ABHD17A: variants seen among roughly 807,000 people sequenced by gnomAD.
ABHD17A encodes the protein alpha/beta hydrolase domain-containing protein 17A.
Under a neutral mutation model 26.8 loss-of-function variants are expected in ABHD17A, and 10 were observed. The observed-to-expected ratio is 0.37, with a 90% CI of 0.23 to 0.63. The LOEUF is 0.63. ABHD17A is among the 30% of genes least tolerant of loss of function. The pLI, the probability that ABHD17A is intolerant of heterozygous loss-of-function variation, is 0.61. For synonymous variants in ABHD17A, 167 were observed against 210.9 expected (o/e 0.79, Z 1.80); for missense variants, 292 against 457.3 (o/e 0.64, Z 3.30).
At chr19:1,883,899 G>C (rs1261063969) in intron 1 of ABHD17A, 1 of 152,756 alleles carries the variant, frequency 6.5e-6, no homozygotes, top group African/African-American at 2.4e-5. Context: ...TGCCAGGTCC[G>C]CATTCCGGCT....
At chr19:1,885,307 G>C (rs1320856221) in intron 1 of ABHD17A, 45 bp downstream of exon 1, 3 of 151,176 alleles carry the variant, frequency 2.0e-5, no homozygotes, top group Admixed American at 6.6e-5. Context: ...CCCGGCCCGG[G>C]ACCCCGCGCG....
intron 1 of ABHD17A, chr19:1,883,582 A>C (rs971132305): frequency 6.6e-6 from 1 of 152,226 alleles, no homozygotes; most frequent in Non-Finnish European, 1.5e-5. Flanking sequence ...GGGCCCCACT[A>C]TCCAGGCCAG....
intron 3 of ABHD17A, chr19:1,878,029 TG>T (rs1465435594): frequency 3.0e-6 from 1 of 334,034 alleles, no homozygotes; most frequent in Non-Finnish European, 5.6e-6. Context: ...AGGTGCACAC[TG>T]GGAACTGTGT....
chr19:1,881,373 C>A lies in ABHD17A; in HGVS notation c.194G>T (p.Arg65Leu), dbSNP rs764525658. The change falls in exon 2 of 5, where the codon CGC (arginine) becomes CTC (leucine). Residue 65 changes from arginine (R) to leucine (L), a missense_variant. Around this residue, in one of 4 missense-constraint regions of ABHD17A, gnomAD observed 171 missense variants for 216.1 expected, o/e 0.79. Coordinates refer to ENST00000292577, the MANE Select transcript of ABHD17A (RefSeq NM_001130111.2). ...TLRASSGAPG[R>L]WKLHLTERAD... ...ACGCTCCGTCAGGTGCAGCTTCCAG[C>A]GCCCGGGTGCGCCCGAGGAGGCTCT... is the stretch of plus-strand genomic sequence containing the variant. 1.9e-6 allele frequency: 3 copies of A among 1,606,612 alleles called. No homozygotes were observed. The highest frequency in any genetic ancestry group is 2.2e-5 in the South Asian group (2 of 90,926).
At position 1,884,258 on chromosome 19, in the gene ABHD17A, G is replaced by A. The variant is rs2012615357; in HGVS notation, c.-239+1094C>T. On this transcript the variant is annotated intron_variant, in intron 1 of 4. Coordinates refer to ENST00000292577, the MANE Select transcript of ABHD17A (RefSeq NM_001130111.2). ...TGGTAGGCAGCACAGAATTAAGGAG[G>A]AAGCACAGGAGGAAAAGAATCCCCA... 3.3e-5 allele frequency among the ~76,000 whole-genome samples: 5 copies of A among 152,302 alleles called. No individual in the cohort carries two copies. In the South Asian group the frequency reaches 1.0e-3, roughly 32 times the overall value.
In ABHD17A at chr19:1,880,423, G is replaced by A. The variant is rs11880932; in HGVS notation, c.333-308C>T. 6.3e-3 allele frequency among the ~76,000 whole-genome samples: 959 copies of A among 152,298 alleles called. 15 individuals carry two copies. The highest frequency in any genetic ancestry group is 0.022 in the African/African-American group (914 of 41,564). On this transcript the variant is annotated intron_variant, in intron 2 of 4. Transcript: ENST00000292577. The surrounding 1 kb of genome is among the most constrained non-coding windows in gnomAD (Gnocchi z 4.1). ...AAGCGGGACACTGGGACCATCGGTC[G>A]CATCCTCTCTCAGGGCAGACTCGCA...
In ABHD17A at chr19:1,879,170, G is replaced by T. The variant is rs2012452661; in HGVS notation, c.527+751C>A. On this transcript the variant is annotated intron_variant, in intron 3 of 4. Coordinates refer to ENST00000292577, the MANE Select transcript of ABHD17A (RefSeq NM_001130111.2). The surrounding 1 kb of genome is among the most constrained non-coding windows in gnomAD (Gnocchi z 7.6). ...ACGACCCCACCTCCCTAGGGCCTCT[G>T]ACTTCTCAGAGCTGTGCCTGGTCCC... 6.6e-6 allele frequency: 1 copy of T among 152,304 alleles called. No individual in the cohort carries two copies. Among genetic ancestry groups the T allele is most frequent in the South Asian group, 2.1e-4 (1 of 4,830 alleles). 9.4% of individuals were successfully genotyped at this position (152,304 alleles called of 1,614,324 possible).
chr19:1,882,494 C>T (rs1189648219), intron 1 of ABHD17A: 1 of 152,136 alleles, frequency 6.6e-6, no homozygotes, highest in Non-Finnish European at 1.5e-5. Context: ...GGGTCCTTCT[C>T]CACCCCTGAC....
In ABHD17A at chr19:1,881,753, A is replaced by T. The variant is rs1735052306; in HGVS notation, c.-187T>A. Reference sequence around the variant, plus strand: ...CCCAGCCCCATCGCGGTCCAAGCCGAGCCCCAGGGAGCCTCGCAACCACAG... The same window carrying T: ...CCCAGCCCCATCGCGGTCCAAGCCGTGCCCCAGGGAGCCTCGCAACCACAG... On this transcript the variant is annotated 5_prime_UTR_variant, in exon 2 of 5. Coordinates refer to ENST00000292577, the MANE Select transcript of ABHD17A (RefSeq NM_001130111.2). 1.4e-6 allele frequency: 1 copy of T among 717,628 alleles called. No homozygotes were observed. The highest frequency in any genetic ancestry group is 1.9e-5 in the African/African-American group (1 of 52,932). 44.5% of individuals were successfully genotyped at this position (717,628 alleles called of 1,614,324 possible). A position where few individuals can be genotyped will look rare whatever the true frequency, so the allele number is the denominator to read the frequency against.
chr19:1,877,814 C>G, intron 3 of ABHD17A, 127 bp from the exon 4 acceptor site: 1 of 847,982 alleles, frequency 1.2e-6, no homozygotes, highest in South Asian at 1.7e-5. Context: ...GTCAGTGGGT[C>G]AGGCTCAGGC....
At position 1,880,155 on chromosome 19, in the gene ABHD17A, C is replaced by CA; in HGVS notation, c.333-41dup. 1 of 1,606,304 alleles carries CA rather than the reference C, an allele frequency of 6.2e-7. No homozygotes were observed. The highest frequency in any genetic ancestry group is 8.5e-7 in the Non-Finnish European group (1 of 1,176,204). On this transcript the variant is annotated intron_variant, in intron 2 of 4. Coordinates refer to ENST00000292577, the MANE Select transcript of ABHD17A (RefSeq NM_001130111.2). The surrounding 1 kb of genome is among the most constrained non-coding windows in gnomAD (Gnocchi z 4.1). ...GAAGGGCCGTTCACATCCTCGCTCC[C>CA]AGCGCCCAGCTGCAGGGCAGGAGGA... is the stretch of plus-strand genomic sequence containing the variant.
chr19:1,881,298 G>T lies in ABHD17A; in HGVS notation c.269C>A (p.Pro90His). The T allele has an allele frequency of 6.2e-7, 1 of 1,611,012 alleles. No homozygotes were observed. Among genetic ancestry groups the T allele is most frequent in the Non-Finnish European group, 8.5e-7 (1 of 1,179,718 alleles). ...QRELDTIEVF[P>H]TKSARGNRVS... ...GCGGTTGCCGCGGGCGCTCTTGGTG[G>T]GGAAGACCTCGATGGTGTCCAGCTC... The change falls in exon 2 of 5, where the codon CCC (proline) becomes CAC (histidine). Residue 90 changes from proline (P) to histidine (H), a missense_variant. Around this residue, in one of 4 missense-constraint regions of ABHD17A, gnomAD observed 171 missense variants for 216.1 expected, o/e 0.79. Coordinates refer to ENST00000292577, the MANE Select transcript of ABHD17A (RefSeq NM_001130111.2).
In ABHD17A at chr19:1,877,014, T is replaced by C; in HGVS notation, c.*186A>G. ...CTTTAATTTCCGTTTTCACGTATTT[T>C]CTTCTTGCTTCCAAAAGGAAAGGAG... On this transcript the variant is annotated 3_prime_UTR_variant, in exon 5 of 5. Transcript: ENST00000292577. 1 of 583,800 alleles carries C rather than the reference T, an allele frequency of 1.7e-6. No homozygotes were observed. The highest frequency in any genetic ancestry group is 3.0e-6 in the Non-Finnish European group (1 of 328,620). The allele number at this position is 583,800 out of a possible 1,614,324, so 36.2% of individuals were successfully genotyped here.
Position 1,880,097 on chromosome 19 carries a change from C to A in ABHD17A, c.351G>T (p.Ser117=). Residue 117 remains serine, a synonymous_variant, in exon 3 of 5, where the codon TCG becomes TCT. Coordinates refer to ENST00000292577, the MANE Select transcript of ABHD17A (RefSeq NM_001130111.2). The surrounding 1 kb of genome is among the most constrained non-coding windows in gnomAD (Gnocchi z 4.1). ...VPGARYTVLF[S]HGNAVDLGQM... is the part of the protein sequence containing the mutation. ...GGCCCAGGTCCACGGCATTGCCGTG[C>A]GAGAAGAGGACCGTGTACCTGGGAC... The A allele has an allele frequency of 7.4e-6, 12 of 1,613,098 alleles. No homozygotes were observed. The highest frequency in any genetic ancestry group is 1.0e-5 in the Non-Finnish European group (12 of 1,179,958).
At chr19:1,883,549 GA>G (rs2012598069) in intron 1 of ABHD17A, 1 of 152,344 alleles carries the variant, frequency 6.6e-6, no homozygotes, top group Non-Finnish European at 1.5e-5. Flanking sequence ...CCCCGGAGAC[GA>G]AGGGGCACAC....
chr19:1,879,431 C>G lies in ABHD17A; in HGVS notation c.527+490G>C, dbSNP rs1392610493. The G allele has an allele frequency of 3.6e-5, 7 of 193,684 alleles. No individual in the cohort carries two copies. Among genetic ancestry groups the G allele is most frequent in the African/African-American group, 1.4e-4 (6 of 41,794 alleles). 12.0% of individuals were successfully genotyped at this position (193,684 alleles called of 1,614,324 possible). Reference sequence around the variant, plus strand: ...TGGCCCAGACCTCGGATGTGTGCTGCGGGTCTGCACCTTACCCTGTAGGCC... The same window carrying G: ...TGGCCCAGACCTCGGATGTGTGCTGGGGGTCTGCACCTTACCCTGTAGGCC... On this transcript the variant is annotated intron_variant, in intron 3 of 4. Coordinates refer to ENST00000292577, the MANE Select transcript of ABHD17A (RefSeq NM_001130111.2). This position sits in a 1 kb window ranked among gnomAD's most constrained non-coding sequence, Gnocchi z 7.6.
In ABHD17A at chr19:1,876,946, G is replaced by C; in HGVS notation, c.*254C>G. ...GCTCGCTGAGCGCTCGAGAGAGTGA[G>C]CAGAGCCATGAAAGGAAGGAGAGCA... On this transcript the variant is annotated 3_prime_UTR_variant, in exon 5 of 5. Transcript: ENST00000292577. 1 of 524,764 alleles carries C rather than the reference G, an allele frequency of 1.9e-6. No homozygotes were observed. Among genetic ancestry groups the C allele is most frequent in the Non-Finnish European group, 3.4e-6 (1 of 292,172 alleles). 32.5% of individuals were successfully genotyped at this position (524,764 alleles called of 1,614,324 possible). A position where few individuals can be genotyped will look rare whatever the true frequency, so the allele number is the denominator to read the frequency against.
chr19:1,880,962 C>G lies in ABHD17A; in HGVS notation c.332+273G>C. ...TGTGCCCCAGCTCTTGCCCAGCAGG[C>G]AACCACCAGGCGCTGGGTTGTTGGA... On this transcript the variant is annotated intron_variant, in intron 2 of 4. Coordinates refer to ENST00000292577, the MANE Select transcript of ABHD17A (RefSeq NM_001130111.2). The surrounding 1 kb of genome is among the most constrained non-coding windows in gnomAD (Gnocchi z 4.1). 1 of 1,612,718 alleles carries G rather than the reference C, an allele frequency of 6.2e-7. No homozygotes were observed. Among genetic ancestry groups the G allele is most frequent in the Non-Finnish European group, 8.5e-7 (1 of 1,179,654 alleles).
Position 1,881,388 on chromosome 19 carries a change from G to C in ABHD17A, c.179C>G (p.Ser60Trp). Residue 60 changes from serine to tryptophan, a missense_variant, in exon 2 of 5, where the codon TCG (serine) becomes TGG (tryptophan). Transcript: ENST00000292577. ...CAGCTTCCAGCGCCCGGGTGCGCCC[G>C]AGGAGGCTCTCAGGGTCCCCAAGGG... is the stretch of plus-strand genomic sequence containing the variant. ...AAPLGTLRAS[S>W]GAPGRWKLHL... 6.2e-7 allele frequency: 1 copy of C among 1,605,386 alleles called. No homozygotes were observed. Among genetic ancestry groups the C allele is most frequent in the Non-Finnish European group, 8.5e-7 (1 of 1,179,040 alleles).
Sources: allele counts gnomAD v4.1 joint callset (sites outside exome capture counted in the v4.1 genomes callset), GRCh38; gene constraint gnomAD v4.1.1; regional missense constraint gnomAD v4.1.1; non-coding constraint Gnocchi (gnomAD v3.1); transcripts MANE v1.5; gene names NCBI Gene and HGNC (gene_info 2026-07-23, HGNC 2026-07-21).